The following SHROOM4 variants were observed in gnomAD, a reference collection of about 807,000 sequenced individuals.
SHROOM4 encodes protein Shroom4.
A neutral mutation model predicts 80.3 loss-of-function variants in SHROOM4; 17 were observed. The observed-to-expected ratio is 0.21, with a 90% confidence interval of 0.14 to 0.32. The LOEUF is 0.32. Ranked by LOEUF, SHROOM4 falls within the 10% of genes least tolerant of loss-of-function variation. The pLI, the probability that SHROOM4 is intolerant of heterozygous loss-of-function variation, is 1.00. For missense variants in SHROOM4, 993 were observed against 1,140.3 expected, an observed-to-expected ratio of 0.87 and a Z score of 1.86; for synonymous variants, 400 against 437.5, an observed-to-expected ratio of 0.91 and a Z score of 1.07.
chrX:50,778,495 T>C (rs1935558300), intron 1 of SHROOM4, among the ~76,000 whole-genome samples: 1 of 111,647 alleles, frequency 9.0e-6, no homozygotes, highest in Admixed American at 9.5e-5. Context: ...CCTAGGTGAT[T>C]TGTATACACA....
downstream of SHROOM4, among the ~76,000 whole-genome samples, chrX:50,584,345 A>G (rs1315494696): frequency 8.9e-6 from 1 of 112,503 alleles, no homozygotes; most frequent in Non-Finnish European, 1.9e-5. Flanking sequence ...TGAATCTGAA[A>G]AGCAGGTTTG....
chrX:50,650,517 ATT>A (rs782447766), intron 2 of SHROOM4, among the ~76,000 whole-genome samples: 4 of 99,476 alleles, frequency 4.0e-5, no homozygotes, highest in Admixed American at 1.1e-4. Flanking sequence ...CGCCTGGCTA[ATT>A]TTTTTTTTTT....
intron 2 of SHROOM4, among the ~76,000 whole-genome samples, chrX:50,686,313 G>A (rs782139444): frequency 1.8e-5 from 2 of 110,869 alleles, no homozygotes; most frequent in Admixed American, 1.9e-4. Flanking sequence ...GGGATTACAG[G>A]CGTGAGTCCC....
chrX:50,807,013 G>A (rs782512091), intron 1 of SHROOM4, among the ~76,000 whole-genome samples: 22 of 112,056 alleles, frequency 2.0e-4, no homozygotes, highest in Non-Finnish European at 4.1e-4. Context: ...ATACACTATG[G>A]ATTAAATAGG....
chrX:50,655,904 T>C lies in SHROOM4; in HGVS notation c.270-17596A>G, dbSNP rs374942044. On this transcript the variant is annotated intron_variant, in intron 2 of 8. Coordinates refer to ENST00000376020, the MANE Select transcript of SHROOM4 (RefSeq NM_020717.5). Reference sequence around the variant, plus strand: ...ACCAATAGTGTATAAGGGTTCCTTTTTCTTCACACCCTCACCAACACTTGT... The same window carrying C: ...ACCAATAGTGTATAAGGGTTCCTTTCTCTTCACACCCTCACCAACACTTGT... Among the ~76,000 whole-genome samples, 25 of 111,536 alleles carry C rather than the reference T, an allele frequency of 2.2e-4. No individual in the cohort carries two copies. The East Asian group carries it at 3.4e-3, about 15-fold the overall frequency.
At chrX:50,785,332 A>AGCAGCTT (rs1935717336) in intron 1 of SHROOM4, among the ~76,000 whole-genome samples, 1 of 110,752 alleles carries the variant, frequency 9.0e-6, no homozygotes, top group Non-Finnish European at 1.9e-5. Context: ...ACACAGACTT[A>AGCAGCTT]TATGTGACTG....
downstream of SHROOM4, among the ~76,000 whole-genome samples, chrX:50,582,723 G>A (rs1423122721): frequency 9.0e-6 from 1 of 111,614 alleles, no homozygotes; most frequent in Non-Finnish European, 1.9e-5. Context: ...GTACATAAAG[G>A]TTATTTTGGT....
rs782530547 is a variant in SHROOM4, at chrX:50,694,543, A to ATTTTTTTTTTTTTTTTTTTTTTT, written c.269+1220_269+1242dup. 8.8e-4 allele frequency among the ~76,000 whole-genome samples: 11 copies of ATTTTTTTTTTTTTTTTTTTTTTT among 12,494 alleles called. 4 individuals carry two copies. The highest frequency in any genetic ancestry group is 1.1e-3 in the Non-Finnish European group (9 of 7,949). 10.8% of individuals were successfully genotyped at this position (12,494 alleles called of 115,157 possible). On this transcript the variant is annotated intron_variant, in intron 2 of 8. Transcript: ENST00000376020. ...AGGTCTTTGCCCATTTTTAAGTTGG[A>ATTTTTTTTTTTTTTTTTTTTTTT]TTTTTTTTTTTTTTTTTTTTTTTTT... is the stretch of plus-strand genomic sequence containing the variant.
chrX:50,612,845 A>G lies in SHROOM4; in HGVS notation c.2958-4661T>C, dbSNP rs781803087. On this transcript the variant is annotated intron_variant, in intron 5 of 8. Coordinates refer to ENST00000376020, the MANE Select transcript of SHROOM4 (RefSeq NM_020717.5). ...TCAACATCACTTCCAGATAAAAAAA[A>G]AACCTAACAGAAAAAGATGTCTATT... Among the ~76,000 whole-genome samples the G allele has an allele frequency of 3.6e-5, 4 of 111,361 alleles. No homozygotes were observed. In the South Asian group the frequency reaches 1.1e-3, roughly 32 times the overall value.
chrX:50,717,408 G>A (rs181063795), intron 1 of SHROOM4, among the ~76,000 whole-genome samples: 8 of 111,581 alleles, frequency 7.2e-5, no homozygotes, highest in South Asian at 3.9e-4. Context: ...TAGTAGAGAC[G>A]GGGTTTTACC....
intron 1 of SHROOM4, among the ~76,000 whole-genome samples, chrX:50,790,496 A>G (rs1196864909): frequency 9.0e-6 from 1 of 111,493 alleles, no homozygotes; most frequent in Non-Finnish European, 1.9e-5. Flanking sequence ...ACTACAAAAA[A>G]AGAAAACTAA....
At chrX:50,738,097 A>T (rs1557266861) in intron 1 of SHROOM4, among the ~76,000 whole-genome samples, 1 of 111,184 alleles carries the variant, frequency 9.0e-6, no homozygotes, top group Non-Finnish European at 1.9e-5. Flanking sequence ...ATCTTAATAG[A>T]TGCAGAAAAG....
At chrX:50,661,795 G>A (rs1254918938) in intron 2 of SHROOM4, among the ~76,000 whole-genome samples, 2 of 111,869 alleles carry the variant, frequency 1.8e-5, no homozygotes, top group Admixed American at 9.5e-5. Flanking sequence ...AATGCGTCTG[G>A]AGGACAACTC....
intron 4 of SHROOM4, among the ~76,000 whole-genome samples, 196 bp from the exon 5 acceptor site, chrX:50,627,871 C>T: frequency 8.9e-6 from 1 of 111,841 alleles, no homozygotes; most frequent in Admixed American, 9.4e-5. Context: ...CTGCTGCAGA[C>T]ATGCAGAGAC....
downstream of SHROOM4, among the ~76,000 whole-genome samples, chrX:50,585,867 T>TA (rs1569546151): frequency 1.8e-5 from 2 of 110,746 alleles, no homozygotes; most frequent in Admixed American, 9.6e-5. Context: ...GATTTTTTTT[T>TA]ATAAAAGATT....
intron 5 of SHROOM4, among the ~76,000 whole-genome samples, chrX:50,610,279 T>C (rs1929899114): frequency 9.1e-6 from 1 of 109,389 alleles, no homozygotes; most frequent in South Asian, 4.0e-4. Context: ...TGCACACTTA[T>C]AGATCATTAA....
intron 3 of SHROOM4, among the ~76,000 whole-genome samples, chrX:50,636,911 A>G (rs2093096914): frequency 9.0e-6 from 1 of 111,493 alleles, no homozygotes; most frequent in African/African-American, 3.3e-5. Context: ...TAGATAAAGC[A>G]GATAGTAAAT....
At chrX:50,746,255 C>G (rs1399424219) in intron 1 of SHROOM4, among the ~76,000 whole-genome samples, 1 of 111,731 alleles carries the variant, frequency 9.0e-6, no homozygotes, top group Non-Finnish European at 1.9e-5. Context: ...CTCTGTCCCC[C>G]TCCCTCTGGT....
chrX:50,623,849 G>A (rs1487001275), intron 5 of SHROOM4, among the ~76,000 whole-genome samples: 1 of 112,171 alleles, frequency 8.9e-6, no homozygotes, highest in African/African-American at 3.2e-5. Flanking sequence ...GAAATAAAAA[G>A]GAACGAAGTA....
Sources: gnomAD v4.1 joint callset for allele counts (sites outside exome capture counted in the v4.1 genomes callset) on GRCh38, gnomAD v4.1.1 for gene constraint, MANE v1.5 for transcripts, NCBI Gene and HGNC (gene_info 2026-07-23, HGNC 2026-07-21) for gene names.